SLC18A1: variants seen among roughly 807,000 people sequenced by gnomAD.
The protein encoded by SLC18A1 is solute carrier family 18 member A1, also known as chromaffin granule amine transporter.
Under a neutral mutation model 53.7 loss-of-function variants are expected in SLC18A1, and 69 were observed. The observed-to-expected ratio is 1.28, with a 90% CI of 1.06 to 1.57. SLC18A1 has a LOEUF of 1.57. Among genes scored for constraint, SLC18A1 ranks in the 40% most tolerant of loss-of-function variants. The pLI is 0.00. For missense variants in SLC18A1, 932 were observed against 668.1 expected (o/e 1.40, Z -4.35); for synonymous variants, 320 against 248.1 (o/e 1.29, Z -2.72).
At chr8:20,173,009 C>A in intron 6 of SLC18A1, 27 bp downstream of exon 6, 15 of 1,465,844 alleles carry the variant, frequency 1.0e-5, no homozygotes, top group Admixed American at 1.9e-5. Context: ...CCCTCCCGAA[C>A]CCAGAGCTCC....
At chr8:20,149,652 TC>T (rs1300398360) in intron 12 of SLC18A1, 23 bp downstream of exon 12, 1 of 1,564,696 alleles carries the variant, frequency 6.4e-7, no homozygotes, top group Non-Finnish European at 8.8e-7. Flanking sequence ...CTCCTTCCCC[TC>T]CCCCAGGTCT....
chr8:20,177,059 G>A (rs1392897939), intron 4 of SLC18A1, among the ~76,000 whole-genome samples: 2 of 152,084 alleles, frequency 1.3e-5, no homozygotes, highest in African/African-American at 4.8e-5. Flanking sequence ...AAAGTTGTTT[G>A]GAATAAATCT....
chr8:20,150,959 G>C, intron 10 of SLC18A1: 1 of 548,552 alleles, frequency 1.8e-6, no homozygotes, highest in South Asian at 2.3e-5. Flanking sequence ...TTTAGCCTCA[G>C]TACTTTTCTT....
chr8:20,180,978 C>A lies in SLC18A1; in HGVS notation c.-14G>T, dbSNP rs1165273650. Reference sequence around the variant, plus strand: ...GGTCCGGAGCATGGTGATGGCCGGACTGGGGCAGTCTTCCCCTGCGGGCTC... The same window carrying A: ...GGTCCGGAGCATGGTGATGGCCGGAATGGGGCAGTCTTCCCCTGCGGGCTC... On this transcript the variant is annotated 5_prime_UTR_variant, in exon 2 of 16. Coordinates refer to ENST00000276373, the MANE Select transcript of SLC18A1 (RefSeq NM_003053.4). The A allele has an allele frequency of 9.6e-6, 15 of 1,561,116 alleles. No individual in the cohort carries two copies. The highest frequency in any genetic ancestry group is 1.9e-5 in the Admixed American group (1 of 51,814).
chr8:20,180,744 T>G, intron 2 of SLC18A1, 97 bp downstream of exon 2: 1 of 1,484,240 alleles, frequency 6.7e-7, no homozygotes. Context: ...AAAAGGAAAA[T>G]TCTCAGATGG....
intron 8 of SLC18A1, among the ~76,000 whole-genome samples, chr8:20,169,204 A>G (rs1317374596): frequency 3.3e-5 from 5 of 152,188 alleles, no homozygotes; most frequent in Non-Finnish European, 5.9e-5. Context: ...GGAATACCCT[A>G]TAGATAATTG....
intron 4 of SLC18A1, among the ~76,000 whole-genome samples, 162 bp downstream of exon 4, chr8:20,178,273 T>C (rs1022748960): frequency 6.6e-5 from 10 of 152,224 alleles, no homozygotes; most frequent in African/African-American, 2.4e-4. Context: ...ACTACTGTTC[T>C]AGTCCACATA....
intron 4 of SLC18A1, 23 bp downstream of exon 4, chr8:20,178,411 GA>G (rs1424695577): frequency 6.3e-7 from 1 of 1,591,980 alleles, no homozygotes; most frequent in Non-Finnish European, 8.6e-7. Context: ...GTGAAGGGAA[GA>G]AAAGAGGAAG....
chr8:20,169,346 A>G (rs2072052347), intron 8 of SLC18A1, among the ~76,000 whole-genome samples: 1 of 152,156 alleles, frequency 6.6e-6, no homozygotes, highest in Admixed American at 6.5e-5. Context: ...AAAGACTTCC[A>G]TGGAAGACAT....
At chr8:20,151,694 T>C (rs573886530) in intron 10 of SLC18A1, among the ~76,000 whole-genome samples, 109 of 152,344 alleles carry the variant, frequency 7.2e-4, no homozygotes, top group Non-Finnish European at 1.4e-3. Flanking sequence ...ACATGGGCTT[T>C]GGAGCCACAC....
In SLC18A1 at chr8:20,149,742, C is replaced by G. The variant is rs2071501209; in HGVS notation, c.1095-15G>C. On this transcript the variant is annotated splice_polypyrimidine_tract_variant and intron_variant, in intron 11 of 15. Coordinates refer to ENST00000276373, the MANE Select transcript of SLC18A1 (RefSeq NM_003053.4). ...AACACAGCCACCTGGAAGAAAAAAGCCATCATCAAACACCACTAGGGGAGA... is the reference window on the plus strand; with the variant it reads ...AACACAGCCACCTGGAAGAAAAAAGGCATCATCAAACACCACTAGGGGAGA... 2 of 1,613,644 alleles carry G rather than the reference C, an allele frequency of 1.2e-6. No homozygotes were observed. The highest frequency in any genetic ancestry group is 1.3e-5 in the African/African-American group (1 of 74,918).
chr8:20,147,779 C>G (rs1415956714), intron 13 of SLC18A1, 57 bp from the exon 14 acceptor site: 1 of 1,592,076 alleles, frequency 6.3e-7, no homozygotes, highest in Non-Finnish European at 8.6e-7. Context: ...TACCACCCCG[C>G]CTCTCCTCCT....
intron 10 of SLC18A1, among the ~76,000 whole-genome samples, chr8:20,151,994 G>T (rs2071568636): frequency 6.6e-6 from 1 of 152,184 alleles, no homozygotes; most frequent in African/African-American, 2.4e-5. Flanking sequence ...TGAGTTATGT[G>T]CATGAAATTT....
rs2071500832 is a variant in SLC18A1 at position 20,149,718 on chromosome 8, A to G, written c.1104T>C (p.Cys368=). ...VLANKMGRWL[C]SLIGMLVVGT... ...CTACTACCAGCATCCCGATTAGGGA[A>G]CACAGCCACCTGGAAGAAAAAAGCC... The change falls in exon 12 of 16, where the codon TGT becomes TGC. Residue 368 remains cysteine, a synonymous_variant. Coordinates refer to ENST00000276373, the MANE Select transcript of SLC18A1 (RefSeq NM_003053.4). The G allele has an allele frequency of 1.2e-6, 2 of 1,613,778 alleles. No homozygotes were observed. The highest frequency in any genetic ancestry group is 4.5e-5 in the East Asian group (2 of 44,854).
At chr8:20,146,937 C>G (rs1296978421) in intron 15 of SLC18A1, among the ~76,000 whole-genome samples, 2 of 152,060 alleles carry the variant, frequency 1.3e-5, no homozygotes, top group African/African-American at 4.8e-5. Context: ...AACTTGGTAA[C>G]TCACATCTTG....
intron 4 of SLC18A1, 55 bp downstream of exon 4, chr8:20,178,380 T>A: frequency 1.4e-6 from 2 of 1,426,714 alleles, no homozygotes; most frequent in Non-Finnish European, 2.0e-6. Flanking sequence ...CGCATTCACT[T>A]GATAAAATCA....
chr8:20,180,486 C>T (rs1585231141), intron 2 of SLC18A1, among the ~76,000 whole-genome samples: 1 of 152,098 alleles, frequency 6.6e-6, no homozygotes, highest in East Asian at 1.9e-4. Context: ...AGAAAGGCAC[C>T]CCTGTGAGAA....
intron 4 of SLC18A1, among the ~76,000 whole-genome samples, chr8:20,174,890 T>G (rs2072218308): frequency 6.6e-6 from 1 of 152,202 alleles, no homozygotes; most frequent in Non-Finnish European, 1.5e-5. Context: ...AGTAAGTAGG[T>G]GCTTCGAGGA....
Position 20,165,525 on chromosome 8 carries a change from G to A in SLC18A1, c.859-418C>T, listed in dbSNP as rs546936404. 3.3e-5 allele frequency among the ~76,000 whole-genome samples: 5 copies of A among 152,198 alleles called. No homozygotes were observed. In the South Asian group the frequency reaches 1.0e-3, roughly 32 times the overall value. On this transcript the variant is annotated intron_variant, in intron 8 of 15. Coordinates refer to ENST00000276373, the MANE Select transcript of SLC18A1 (RefSeq NM_003053.4). ...GCAGAGCACCGAATCCCAAAAGCAA[G>A]CACAGAAGCCATAACTCAGAAAGCC...
Sources: gnomAD v4.1 joint callset for allele counts (sites outside exome capture counted in the v4.1 genomes callset) on GRCh38, gnomAD v4.1.1 for gene constraint, MANE v1.5 for transcripts, NCBI Gene and HGNC (gene_info 2026-07-23, HGNC 2026-07-21) for gene names.